Variants in TADA2A observed in about 807,000 individuals in gnomAD.
TADA2A encodes transcriptional adapter 2-alpha.
A neutral mutation model predicts 67.4 loss-of-function variants in TADA2A; 38 were observed. The observed-to-expected ratio is 0.56, with a 90% CI of 0.44 to 0.74. The LOEUF is 0.74. Among genes scored for constraint, TADA2A ranks in the 30% least tolerant of loss-of-function variants. TADA2A has a pLI of 0.00. For missense variants in TADA2A, 454 were observed against 547.0 expected, an observed-to-expected ratio of 0.83 and a Z score of 1.70; for synonymous variants, 192 against 181.6, an observed-to-expected ratio of 1.06 and a Z score of -0.46.
At chr17:37,434,975 G>T (rs189540125) in intron 4 of TADA2A, among the ~76,000 whole-genome samples, 1 of 152,232 alleles carries the variant, frequency 6.6e-6, no homozygotes, top group Admixed American at 6.5e-5. Flanking sequence ...TGCCAGGCAC[G>T]GTGGCTCATG....
At chr17:37,466,380 A>T (rs1354728198) in intron 11 of TADA2A, among the ~76,000 whole-genome samples, 1 of 152,174 alleles carries the variant, frequency 6.6e-6, no homozygotes, top group East Asian at 1.9e-4. Context: ...AGATCACACC[A>T]CTGCACTCCA....
chr17:37,431,148 T>C (rs1450869775), intron 4 of TADA2A, among the ~76,000 whole-genome samples: 1 of 152,160 alleles, frequency 6.6e-6, no homozygotes, highest in African/African-American at 2.4e-5. Context: ...TTTTACTTGT[T>C]ATTATAGAAA....
intron 4 of TADA2A, among the ~76,000 whole-genome samples, chr17:37,435,127 T>C (rs2052683445): frequency 6.6e-6 from 1 of 152,196 alleles, no homozygotes; most frequent in African/African-American, 2.4e-5. Context: ...ATGCTTGTAA[T>C]CCCAGCTACT....
At chr17:37,460,870 C>T (rs185294608) in intron 9 of TADA2A, among the ~76,000 whole-genome samples, 1 of 152,044 alleles carries the variant, frequency 6.6e-6, no homozygotes, top group East Asian at 1.9e-4. Context: ...TAGCATGAAC[C>T]TCTGGTCCTA....
At chr17:37,410,078 C>T (rs1047393987) in intron 1 of TADA2A, among the ~76,000 whole-genome samples, 2 of 151,770 alleles carry the variant, frequency 1.3e-5, no homozygotes, top group African/African-American at 2.4e-5. Flanking sequence ...GGCTGAGGCA[C>T]AAGACACAAG....
chr17:37,472,399 C>G (rs1476342329), intron 14 of TADA2A, among the ~76,000 whole-genome samples: 1 of 151,530 alleles, frequency 6.6e-6, no homozygotes, highest in African/African-American at 2.4e-5. Context: ...CCCATTTATT[C>G]CTTTATTTCA....
intron 4 of TADA2A, among the ~76,000 whole-genome samples, chr17:37,432,925 A>ATTTTTTTTTT (rs1046006991): frequency 1.1e-4 from 6 of 52,206 alleles, no homozygotes; most frequent in African/African-American, 1.5e-4. Context: ...TGGTATTACA[A>ATTTTTTTTTT]TTTTTTTTTT....
chr17:37,415,413 AAGT>A (rs2052009859), intron 2 of TADA2A, among the ~76,000 whole-genome samples: 1 of 152,068 alleles, frequency 6.6e-6, no homozygotes, highest in Non-Finnish European at 1.5e-5. Context: ...TTGGACATCT[AAGT>A]AGTATTTTGC....
Position 37,478,412 on chromosome 17 carries a change from A to G in TADA2A, c.*1430A>G, listed in dbSNP as rs2053931375. ...GGTTTCCCAGGATACCAAGCCCCTG[A>G]GGATGGAGATGATGCAACAAACCTC... is the stretch of plus-strand genomic sequence containing the variant. On this transcript the variant is annotated 3_prime_UTR_variant, in exon 16 of 16. Coordinates refer to ENST00000615182, the MANE Select transcript of TADA2A (RefSeq NM_001166105.3). The G allele has an allele frequency of 6.6e-6, 1 of 152,182 alleles. No individual in the cohort carries two copies. Among genetic ancestry groups the G allele is most frequent in the South Asian group, 2.1e-4 (1 of 4,824 alleles). The allele number at this position is 152,182 out of a possible 1,614,324, so 9.4% of individuals were successfully genotyped here. A position where few individuals can be genotyped will look rare whatever the true frequency, so the allele number is the denominator to read the frequency against.
At chr17:37,472,818 C>T (rs1411369209) in intron 14 of TADA2A, among the ~76,000 whole-genome samples, 1 of 152,104 alleles carries the variant, frequency 6.6e-6, no homozygotes, top group Non-Finnish European at 1.5e-5. Context: ...GCCAAGATCG[C>T]ACCATTGCAC....
chr17:37,441,915 C>A (rs2052929281), intron 6 of TADA2A, among the ~76,000 whole-genome samples: 3 of 152,192 alleles, frequency 2.0e-5, no homozygotes, highest in Non-Finnish European at 2.9e-5. Flanking sequence ...ATCTGCCCGC[C>A]TCGGCCTCCC....
Position 37,440,392 on chromosome 17 carries a change from A to G in TADA2A, c.285-113A>G, listed in dbSNP as rs904686627. ...ATATCTTTTTGATATCAATTTGGAA[A>G]TATGAGAGTATATTATATGGATGTG... On this transcript the variant is annotated intron_variant, in intron 5 of 15. Coordinates refer to ENST00000615182, the MANE Select transcript of TADA2A (RefSeq NM_001166105.3). 4.1e-6 allele frequency: 5 copies of G among 1,210,846 alleles called. No individual in the cohort carries two copies. In the African/African-American group the frequency reaches 7.7e-5, roughly 19 times the overall value. The allele number at this position is 1,210,846 out of a possible 1,614,324, so 75.0% of individuals were successfully genotyped here.
chr17:37,468,455 A>T, intron 12 of TADA2A, among the ~76,000 whole-genome samples: 1 of 152,204 alleles, frequency 6.6e-6, no homozygotes, highest in Non-Finnish European at 1.5e-5. Context: ...GTCTAGACTT[A>T]AAAAGCTTGA....
intron 2 of TADA2A, among the ~76,000 whole-genome samples, chr17:37,421,880 T>A (rs2052243675): frequency 7.0e-6 from 1 of 142,114 alleles, no homozygotes; most frequent in Non-Finnish European, 1.5e-5. Context: ...GTTTTTTTAT[T>A]TTTTTATTTT....
intron 12 of TADA2A, among the ~76,000 whole-genome samples, 155 bp downstream of exon 12, chr17:37,467,680 C>A (rs951787882): frequency 6.6e-6 from 1 of 152,066 alleles, no homozygotes; most frequent in Non-Finnish European, 1.5e-5. Context: ...GCTATTTAAT[C>A]CCTATAAATA....
intron 3 of TADA2A, 83 bp from the exon 4 acceptor site, chr17:37,426,867 C>CA (rs1041910335): frequency 7.3e-7 from 1 of 1,375,338 alleles, no homozygotes; most frequent in African/African-American, 1.5e-5. Context: ...TTTAAAAACC[C>CA]AAACTTGTCA....
At chr17:37,469,530 G>A (rs892427874) in intron 12 of TADA2A, among the ~76,000 whole-genome samples, 1 of 152,074 alleles carries the variant, frequency 6.6e-6, no homozygotes, top group Non-Finnish European at 1.5e-5. Context: ...CTACTCCGGA[G>A]GCTGAGGCAG....
chr17:37,479,463 C>A lies in TADA2A; in HGVS notation c.*2481C>A, dbSNP rs1358207528. 6.6e-6 allele frequency: 1 copy of A among 152,100 alleles called. No homozygotes were observed. The highest frequency in any genetic ancestry group is 6.5e-5 in the Admixed American group (1 of 15,280). The allele number at this position is 152,100 out of a possible 1,614,324, so 9.4% of individuals were successfully genotyped here. ...ATTTTTGAAAGTAGGATTATTATTT[C>A]TTTGGTATACCGAACTTTGCAAAGA... On this transcript the variant is annotated 3_prime_UTR_variant, in exon 16 of 16. Coordinates refer to ENST00000615182, the MANE Select transcript of TADA2A (RefSeq NM_001166105.3).
At chr17:37,462,637 TAAATAAATAAATAAGC>T (rs2053573544) in intron 10 of TADA2A, among the ~76,000 whole-genome samples, 1 of 141,364 alleles carries the variant, frequency 7.1e-6, no homozygotes, top group South Asian at 2.2e-4. Context: ...GTCTCAAAAA[TAAATAAATAAATAAGC>T]AAATAAATAA....
Sources: allele counts gnomAD v4.1 joint callset (sites outside exome capture counted in the v4.1 genomes callset), GRCh38; gene constraint gnomAD v4.1.1; transcripts MANE v1.5; gene names NCBI Gene and HGNC (gene_info 2026-07-23, HGNC 2026-07-21).